Variants in COBLL1 observed in about 807,000 individuals in gnomAD.
COBLL1 encodes cordon-bleu protein-like 1.
Under a neutral mutation model 94.8 loss-of-function variants are expected in COBLL1, and 50 were observed. The observed-to-expected ratio is 0.53, with a 90% confidence interval of 0.42 to 0.67. The LOEUF (loss-of-function observed/expected upper bound fraction) is 0.67. Ranked by LOEUF, COBLL1 falls within the 30% of genes least tolerant of loss-of-function variation. COBLL1 has a pLI of 0.00. For missense variants in COBLL1, 1,362 were observed against 1,348.7 expected, an observed-to-expected ratio of 1.01 and a Z score of -0.15; for synonymous variants, 448 against 473.8, an observed-to-expected ratio of 0.95 and a Z score of 0.71.
At chr2:164,677,223 C>T (rs573375353), downstream of COBLL1, among the ~76,000 whole-genome samples, 5 of 151,990 alleles carry the variant, frequency 3.3e-5, no homozygotes, top group Non-Finnish European at 5.9e-5. Flanking sequence ...CTGTGCCCAT[C>T]GGAACTTGGG....
chr2:164,826,987 A>G (rs1347791023), intron 2 of COBLL1, among the ~76,000 whole-genome samples: 2 of 150,134 alleles, frequency 1.3e-5, no homozygotes, highest in Non-Finnish European at 3.0e-5. Context: ...GTCTCGCTCT[A>G]TCACCCAGGC....
intron 2 of COBLL1, among the ~76,000 whole-genome samples, chr2:164,791,479 T>TAGAC (rs74268229): frequency 3.3e-5 from 5 of 151,594 alleles, no homozygotes; most frequent in East Asian, 1.9e-4. Flanking sequence ...ATCAGATAGA[T>TAGAC]AGACAGACAG....
chr2:164,770,107 T>G (rs1688135479), intron 2 of COBLL1, among the ~76,000 whole-genome samples: 2 of 152,156 alleles, frequency 1.3e-5, no homozygotes, highest in Non-Finnish European at 2.9e-5. Flanking sequence ...GGACAAAGCA[T>G]AAATTCCTGA....
chr2:164,821,723 T>C (rs950696587), intron 2 of COBLL1, among the ~76,000 whole-genome samples: 1 of 152,254 alleles, frequency 6.6e-6, no homozygotes, highest in Non-Finnish European at 1.5e-5. Context: ...ACACATTGTG[T>C]GCTCACTATC....
intron 13 of COBLL1, among the ~76,000 whole-genome samples, chr2:164,691,864 G>T (rs1295629625): frequency 6.6e-6 from 1 of 152,042 alleles, no homozygotes; most frequent in Admixed American, 6.6e-5. Flanking sequence ...CTACAAACTT[G>T]TAGGTTCCTA....
At chr2:164,720,908 TTG>T (rs147665155) in intron 7 of COBLL1, among the ~76,000 whole-genome samples, 2,227 of 152,296 alleles carry the variant, frequency 0.015, 48 homozygotes, top group African/African-American at 0.05. Flanking sequence ...TCCTCCTGAT[TTG>T]TGAGATTGGA....
chr2:164,677,370 T>C (rs1278727424), downstream of COBLL1, among the ~76,000 whole-genome samples: 4 of 152,134 alleles, frequency 2.6e-5, no homozygotes, highest in African/African-American at 7.2e-5. Flanking sequence ...AGTGAAACTG[T>C]TGAGTTTTAG....
rs144481223 is a variant in COBLL1 at position 164,806,350 on chromosome 2, TACTA to T, written c.41+34802_41+34805del. On this transcript the variant is annotated intron_variant, in intron 2 of 13. Coordinates refer to ENST00000652658, the MANE Select transcript of COBLL1 (RefSeq NM_001365672.2). The stretch of plus-strand genomic sequence containing the variant: ...AATTAATATGATATGAATAATTTTC[TACTA>T]ACTAAGCCATTCTTGAACTCCTGCA... Among the ~76,000 whole-genome samples the T allele has an allele frequency of 3.7e-3, 569 of 152,314 alleles. 7 individuals carry two copies. The highest frequency in any genetic ancestry group is 0.013 in the African/African-American group (522 of 41,570).
At chr2:164,778,968 G>A (rs539397171) in intron 2 of COBLL1, among the ~76,000 whole-genome samples, 5 of 152,212 alleles carry the variant, frequency 3.3e-5, no homozygotes, top group East Asian at 1.9e-4. Context: ...GAGACCAACC[G>A]CAACTAGGAT....
At chr2:164,806,311 CATG>C (rs1233677033) in intron 2 of COBLL1, among the ~76,000 whole-genome samples, 4 of 152,162 alleles carry the variant, frequency 2.6e-5, no homozygotes, top group African/African-American at 4.8e-5. Context: ...TAACTTTAAG[CATG>C]ATTTTTCTTT....
intron 2 of COBLL1, among the ~76,000 whole-genome samples, chr2:164,822,218 G>A (rs1483528289): frequency 6.6e-6 from 1 of 152,162 alleles, no homozygotes; most frequent in Non-Finnish European, 1.5e-5. Context: ...ACACACCAGT[G>A]ACCCTTGGAC....
At chr2:164,687,127 G>T (rs1683336017) in intron 13 of COBLL1, among the ~76,000 whole-genome samples, 1 of 152,078 alleles carries the variant, frequency 6.6e-6, no homozygotes, top group Admixed American at 6.6e-5. Context: ...ACCAGCAGAA[G>T]GGAAAACTCA....
chr2:164,730,515 A>AAACAAC (rs1029427934), intron 3 of COBLL1, among the ~76,000 whole-genome samples: 2 of 151,666 alleles, frequency 1.3e-5, no homozygotes, highest in Non-Finnish European at 2.9e-5. Flanking sequence ...ATAACAATAA[A>AAACAAC]AACAACAACA....
At chr2:164,832,532 T>C (rs1389928180) in intron 2 of COBLL1, among the ~76,000 whole-genome samples, 6 of 152,186 alleles carry the variant, frequency 3.9e-5, no homozygotes, top group South Asian at 4.1e-4. Flanking sequence ...CAAACTACTA[T>C]ATAACTCAGC....
At chr2:164,752,132 G>A (rs1011722208) in intron 2 of COBLL1, among the ~76,000 whole-genome samples, 1 of 152,168 alleles carries the variant, frequency 6.6e-6, no homozygotes, top group East Asian at 1.9e-4. Context: ...ACAAGAAAAA[G>A]TAGTTTCTAT....
intron 2 of COBLL1, among the ~76,000 whole-genome samples, chr2:164,747,333 T>C (rs1686913788): frequency 6.6e-6 from 1 of 152,218 alleles, no homozygotes; most frequent in African/African-American, 2.4e-5. Context: ...AGTGAACTCC[T>C]CTCACTCACA....
At chr2:164,775,301 T>A (rs1688412435) in intron 2 of COBLL1, among the ~76,000 whole-genome samples, 1 of 152,190 alleles carries the variant, frequency 6.6e-6, no homozygotes, top group South Asian at 2.1e-4. Context: ...GCTCCAGATA[T>A]TGAAGAACAG....
intron 2 of COBLL1, among the ~76,000 whole-genome samples, chr2:164,762,653 T>A (rs355838): frequency 6.6e-6 from 1 of 151,514 alleles, no homozygotes; most frequent in African/African-American, 2.4e-5. Flanking sequence ...ATAAGGTAAG[T>A]GTGAACAAAC....
chr2:164,765,227 C>T (rs955107345), intron 2 of COBLL1, among the ~76,000 whole-genome samples: 3 of 152,182 alleles, frequency 2.0e-5, no homozygotes, highest in Admixed American at 6.5e-5. Flanking sequence ...TACAGTACCA[C>T]ATATGAAGTA....
Sources: gnomAD v4.1 joint callset for allele counts (sites outside exome capture counted in the v4.1 genomes callset) on GRCh38, gnomAD v4.1.1 for gene constraint, MANE v1.5 for transcripts, NCBI Gene and HGNC (gene_info 2026-07-23, HGNC 2026-07-21) for gene names.